The following WDR7 variants were observed in gnomAD, a reference collection of about 807,000 sequenced individuals.
WDR7 encodes WD repeat domain 7.
Under a neutral mutation model 169.4 loss-of-function variants are expected in WDR7, and 46 were observed. That is an observed-to-expected ratio of 0.27 (90% CI 0.21 to 0.35). The LOEUF (loss-of-function observed/expected upper bound fraction) is 0.35, where lower values mean the gene tolerates loss of function less well. Among genes scored for constraint, WDR7 ranks in the 10% least tolerant of loss-of-function variants. The pLI, the probability that WDR7 is intolerant of heterozygous loss-of-function variation, is 1.00. For synonymous variants in WDR7, 612 were observed against 666.8 expected, an observed-to-expected ratio of 0.92 and a Z score of 1.27; for missense variants, 1,534 against 1,859.3, an observed-to-expected ratio of 0.83 and a Z score of 3.22.
At chr18:56,674,089 T>C (rs2144530909) in intron 2 of WDR7, among the ~76,000 whole-genome samples, 1 of 152,326 alleles carries the variant, frequency 6.6e-6, no homozygotes, top group African/African-American at 2.4e-5. Flanking sequence ...GTATTACACA[T>C]TTGTGTATGA....
intron 1 of WDR7, among the ~76,000 whole-genome samples, chr18:56,662,187 G>C (rs976678705): frequency 1.3e-5 from 2 of 152,158 alleles, no homozygotes; most frequent in African/African-American, 4.8e-5. Flanking sequence ...AGTCACAGGG[G>C]GCCTGCCTGG....
At chr18:56,816,723 C>G (rs1599069239) in intron 20 of WDR7, among the ~76,000 whole-genome samples, 2 of 152,114 alleles carry the variant, frequency 1.3e-5, no homozygotes, top group African/African-American at 2.4e-5. Flanking sequence ...TTTTTATACT[C>G]TTAAGGCAGT....
rs201179544 is a variant in WDR7 at position 56,854,123 on chromosome 18, CG to C, written c.3305-25817del. 8.2e-3 allele frequency among the ~76,000 whole-genome samples: 1,243 copies of C among 152,278 alleles called. 21 individuals carry two copies. Among genetic ancestry groups the C allele is most frequent in the African/African-American group, 0.026 (1,091 of 41,560 alleles). On this transcript the variant is annotated intron_variant, in intron 20 of 27. Transcript: ENST00000254442. ...CAGAAGCCTTCTTTGACTAAATGTA[CG>C]GGGATTTCTCCCCTCCAGCAAGCAA...
chr18:56,969,176 C>T (rs2047450522), intron 26 of WDR7, among the ~76,000 whole-genome samples: 2 of 152,178 alleles, frequency 1.3e-5, no homozygotes, highest in Admixed American at 1.3e-4. Flanking sequence ...TCCTTTCTAA[C>T]CTGCCTTTTC....
intron 13 of WDR7, among the ~76,000 whole-genome samples, chr18:56,719,274 G>GA (rs1312029655): frequency 2.0e-5 from 3 of 152,104 alleles, no homozygotes; most frequent in African/African-American, 7.2e-5. Flanking sequence ...TTAAAAAACA[G>GA]AATTGCTGGC....
intron 16 of WDR7, among the ~76,000 whole-genome samples, chr18:56,766,201 C>T (rs938517627): frequency 2.0e-5 from 3 of 151,934 alleles, no homozygotes; most frequent in Non-Finnish European, 2.9e-5. Context: ...TAAGATTTTC[C>T]GTTTATCACT....
In WDR7 at chr18:56,755,798, A is replaced by T. The variant is rs1273793621; in HGVS notation, c.1990-785A>T. 4.6e-5 allele frequency among the ~76,000 whole-genome samples: 7 copies of T among 152,180 alleles called. No individual in the cohort carries two copies. The East Asian group carries it at 1.3e-3, about 29-fold the overall frequency. On this transcript the variant is annotated intron_variant, in intron 14 of 27. Coordinates refer to ENST00000254442, the MANE Select transcript of WDR7 (RefSeq NM_015285.3). ...TGACAGAGGTAGAAGACTTACCAGGAGGTACTCTCCAGATAAATCTTTATT... is the reference window on the plus strand; with the variant it reads ...TGACAGAGGTAGAAGACTTACCAGGTGGTACTCTCCAGATAAATCTTTATT...
At chr18:56,910,717 G>A (rs1051485618) in intron 21 of WDR7, among the ~76,000 whole-genome samples, 8 of 152,002 alleles carry the variant, frequency 5.3e-5, no homozygotes, top group Non-Finnish European at 8.8e-5. Context: ...ATCATGTTAT[G>A]CTTCTTTTTT....
At chr18:56,771,493 AG>A (rs2044156172) in intron 16 of WDR7, among the ~76,000 whole-genome samples, 1 of 151,660 alleles carries the variant, frequency 6.6e-6, no homozygotes, top group Non-Finnish European at 1.5e-5. Flanking sequence ...AGGCTGAGGT[AG>A]GTGGATTGCT....
At chr18:56,815,971 TTC>T (rs2044960755) in intron 19 of WDR7, 58 bp from the exon 20 acceptor site, 8 of 1,373,826 alleles carry the variant, frequency 5.8e-6, no homozygotes, top group Non-Finnish European at 6.9e-6. Flanking sequence ...TCTTCAAACT[TTC>T]TGTTTGCTTT....
At chr18:56,925,423 T>G (rs929447483) in intron 22 of WDR7, among the ~76,000 whole-genome samples, 1 of 152,174 alleles carries the variant, frequency 6.6e-6, no homozygotes, top group African/African-American at 2.4e-5. Context: ...TCTTTCTTTC[T>G]CTCTTTTTTA....
chr18:56,755,409 T>A (rs1031614794), intron 14 of WDR7, among the ~76,000 whole-genome samples: 1 of 152,196 alleles, frequency 6.6e-6, no homozygotes, highest in African/African-American at 2.4e-5. Flanking sequence ...AGGAAGTCTG[T>A]AGTTCTGTGG....
At chr18:56,992,240 G>T (rs890615000) in intron 26 of WDR7, among the ~76,000 whole-genome samples, 1 of 152,216 alleles carries the variant, frequency 6.6e-6, no homozygotes, top group Admixed American at 6.5e-5. Flanking sequence ...CTGGAAAGCT[G>T]AGAGTGCCTG....
intron 22 of WDR7, among the ~76,000 whole-genome samples, chr18:56,929,275 CAAAAA>C (rs200441483): frequency 6.9e-6 from 1 of 145,880 alleles, no homozygotes; most frequent in African/African-American, 2.5e-5. Flanking sequence ...GACCCTGTCT[CAAAAA>C]AAAAAATATT....
Position 56,758,926 on chromosome 18 carries a change from A to G in WDR7, c.2821A>G (p.Asn941Asp). 1 of 1,613,320 alleles carries G rather than the reference A, an allele frequency of 6.2e-7. No individual in the cohort carries two copies. The highest frequency in any genetic ancestry group is 8.5e-7 in the Non-Finnish European group (1 of 1,179,498). ...AAGGGGTTCCCCTCCAACTTCCAGT[A>G]ATATTGTGCAAGGACAGATTAAACA... ...KARGSPPTSSNIVQGQIKQVA... is the reference protein window; with the variant it reads ...KARGSPPTSSDIVQGQIKQVA... Residue 941 changes from asparagine (N) to aspartate (D), a missense_variant, in exon 16 of 28, where the codon AAT becomes GAT. By Grantham distance (23) the Asn-to-Asp change is conservative. Transcript: ENST00000254442.
At chr18:56,820,339 CAAAAAAAAAAAAA>C (rs386387798) in intron 20 of WDR7, among the ~76,000 whole-genome samples, 34 of 42,474 alleles carry the variant, frequency 8.0e-4, no homozygotes, top group Admixed American at 1.3e-3. Flanking sequence ...CTGACATTGT[CAAAAAAAAAAAAA>C]AAAAAAAAAA....
At chr18:56,991,287 C>T (rs1326437922) in intron 26 of WDR7, among the ~76,000 whole-genome samples, 1 of 152,070 alleles carries the variant, frequency 6.6e-6, no homozygotes, top group Non-Finnish European at 1.5e-5. Context: ...GCTGGGACTA[C>T]AGGCGTCCGT....
At chr18:56,866,702 A>G (rs1024394952) in intron 20 of WDR7, among the ~76,000 whole-genome samples, 1 of 152,166 alleles carries the variant, frequency 6.6e-6, no homozygotes, top group African/African-American at 2.4e-5. Context: ...TTATATGGCA[A>G]AATATTCGTG....
intron 1 of WDR7, among the ~76,000 whole-genome samples, chr18:56,664,608 T>G (rs1350378536): frequency 6.6e-6 from 1 of 151,752 alleles, no homozygotes; most frequent in Non-Finnish European, 1.5e-5. Flanking sequence ...AATACAGCCC[T>G]TGGCACATAG....
Sources: allele counts gnomAD v4.1 joint callset (sites outside exome capture counted in the v4.1 genomes callset), GRCh38; gene constraint gnomAD v4.1.1; transcripts MANE v1.5; gene names NCBI Gene and HGNC (gene_info 2026-07-23, HGNC 2026-07-21).